Variants in DIP2A observed in about 807,000 individuals in gnomAD.
DIP2A encodes disco-interacting protein 2 homolog A.
A neutral mutation model predicts 177.4 loss-of-function variants in DIP2A; 85 were observed. The ratio of observed to expected loss-of-function variants is 0.48; its 90% confidence interval spans 0.40 to 0.57. DIP2A has a LOEUF of 0.57. DIP2A is among the 20% of genes least tolerant of loss of function. DIP2A has a pLI of 0.00. For synonymous variants in DIP2A, 886 were observed against 881.8 expected (o/e 1.00, Z -0.08); for missense variants, 1,791 against 2,100.2 (o/e 0.85, Z 2.88).
At chr21:46,583,672 A>T in the DIP2A span, among the ~76,000 whole-genome samples, 2 of 152,164 alleles carry the variant, frequency 1.3e-5, no homozygotes, top group Admixed American at 1.3e-4. Context: ...GGTTAATGCC[A>T]TTATCACAGA....
chr21:46,527,491 A>AT (rs2059151561), intron 8 of DIP2A, among the ~76,000 whole-genome samples: 1 of 151,640 alleles, frequency 6.6e-6, no homozygotes, highest in Admixed American at 6.6e-5. Context: ...CTCCCAGATA[A>AT]TTTTTTGTAT....
At position 46,534,576 on chromosome 21, in the gene DIP2A, A is replaced by G. The variant is rs779046738; in HGVS notation, c.1540-9A>G. The G allele has an allele frequency of 6.2e-7, 1 of 1,612,056 alleles. No homozygotes were observed. ...ACCACATCATGTTTTTTTCCTTGAA[A>G]TCTTTCAGTATAAAACCAGCAAAGA... On this transcript the variant is annotated splice_polypyrimidine_tract_variant and intron_variant, in intron 12 of 37. Transcript: ENST00000417564.
At position 46,556,294 on chromosome 21, in the gene DIP2A, T is replaced by C. The variant is rs923989522; in HGVS notation, c.3498+203T>C. 2 of 1,508,898 alleles carry C rather than the reference T, an allele frequency of 1.3e-6. No homozygotes were observed. Among genetic ancestry groups the C allele is most frequent in the Admixed American group, 2.0e-5 (1 of 50,068 alleles). 93.5% of individuals were successfully genotyped at this position (1,508,898 alleles called of 1,614,324 possible). A position where few individuals can be genotyped will look rare whatever the true frequency, so the allele number is the denominator to read the frequency against. ...GAGTAATGCGTTTTCTGATGCATTA[T>C]GGTTATGTCTAAACTTTCTGATTTA... On this transcript the variant is annotated intron_variant, in intron 29 of 37. Coordinates refer to ENST00000417564, the MANE Select transcript of DIP2A (RefSeq NM_015151.4). This position sits in a 1 kb window ranked among gnomAD's most constrained non-coding sequence, Gnocchi z 4.5.
At chr21:46,579,441 T>C in the DIP2A span, among the ~76,000 whole-genome samples, 546 of 152,266 alleles carry the variant, frequency 3.6e-3, 1 homozygote, top group African/African-American at 0.013. Flanking sequence ...GTTTTTCACG[T>C]CTCTGTTTCC....
intron 20 of DIP2A, chr21:46,546,234 TGAG>T: frequency 7.9e-7 from 1 of 1,273,810 alleles, no homozygotes; most frequent in East Asian, 3.1e-5. Flanking sequence ...GGCAGGTTTG[TGAG>T]TATTCATTAT....
At chr21:46,464,817 C>CTTTTTTTTTATTTTTTTTTTTTTTT in intron 1 of DIP2A, among the ~76,000 whole-genome samples, 1 of 73,442 alleles carries the variant, frequency 1.4e-5, no homozygotes, top group Non-Finnish European at 2.5e-5. Flanking sequence ...ATATTCATGT[C>CTTTTTTTTTATTTTTTTTTTTTTTT]TTTTTTTTTT....
chr21:46,547,656 CTTTTT>C (rs10672432), intron 21 of DIP2A, among the ~76,000 whole-genome samples: 14 of 76,392 alleles, frequency 1.8e-4, no homozygotes, highest in Non-Finnish European at 2.5e-4. Context: ...AAGGGGGTGC[CTTTTT>C]TTTTTTTTTT....
chr21:46,548,216 G>A (rs546943373), intron 21 of DIP2A, among the ~76,000 whole-genome samples: 1 of 151,770 alleles, frequency 6.6e-6, no homozygotes, highest in East Asian at 1.9e-4. Context: ...GTGTTTGTGT[G>A]CGCCTGCGTG....
At chr21:46,495,229 CTTCTCTTCTCTTCTT>C (rs1568967278) in intron 3 of DIP2A, among the ~76,000 whole-genome samples, 52 of 66,716 alleles carry the variant, frequency 7.8e-4, no homozygotes, top group African/African-American at 1.5e-3. Context: ...CTTCTCTTCT[CTTCTCTTCTCTTCTT>C]TCTCTCTCTC....
intron 8 of DIP2A, among the ~76,000 whole-genome samples, chr21:46,519,826 G>T (rs560999935): frequency 2.1e-5 from 3 of 141,392 alleles, no homozygotes; most frequent in Non-Finnish European, 4.5e-5. Flanking sequence ...GCTGATTCCA[G>T]TGTGCCCAGA....
At chr21:46,511,670 C>T in intron 8 of DIP2A, 56 bp downstream of exon 8, 1 of 1,427,364 alleles carries the variant, frequency 7.0e-7, no homozygotes. Context: ...ATGTCACACA[C>T]ATAACACAGC....
Position 46,567,273 on chromosome 21 carries a change from G to C in DIP2A, c.4464-97G>C, listed in dbSNP as rs11909369. On this transcript the variant is annotated intron_variant, in intron 37 of 37. Coordinates refer to ENST00000417564, the MANE Select transcript of DIP2A (RefSeq NM_015151.4). The stretch of plus-strand genomic sequence containing the variant: ...CTTAAATAGCTGTGTGACATTGGTG[G>C]GCTTCACTCTTCTTTGTGCCACCCT... The C allele has an allele frequency of 9.0e-3, 13,580 of 1,504,564 alleles. 956 individuals carry two copies. In the African/African-American group the frequency reaches 0.16, roughly 18 times the overall value. 93.2% of individuals were successfully genotyped at this position (1,504,564 alleles called of 1,614,324 possible).
chr21:46,461,771 G>A (rs889110466), intron 1 of DIP2A, among the ~76,000 whole-genome samples: 19 of 152,198 alleles, frequency 1.2e-4, no homozygotes, highest in Admixed American at 2.0e-4. Flanking sequence ...AACAAAAAAA[G>A]TATTGAGCCC....
At chr21:46,466,438 T>G (rs959650328) in intron 1 of DIP2A, among the ~76,000 whole-genome samples, 2 of 143,862 alleles carry the variant, frequency 1.4e-5, no homozygotes, top group Admixed American at 7.3e-5. Flanking sequence ...AACCTCTGCC[T>G]CCCAGGTTGA....
At chr21:46,467,742 T>C (rs568669263) in intron 1 of DIP2A, among the ~76,000 whole-genome samples, 1 of 150,070 alleles carries the variant, frequency 6.7e-6, no homozygotes, top group East Asian at 1.9e-4. Context: ...TTAGGTTTTG[T>C]TTGTTTTTTT....
chr21:46,536,903 CA>C (rs10714360), intron 13 of DIP2A, among the ~76,000 whole-genome samples: 40,748 of 129,342 alleles, frequency 0.32, 5,758 homozygotes, highest in East Asian at 0.44. Flanking sequence ...GACTCTGTCT[CA>C]AAAAAAAAAA....
intron 8 of DIP2A, among the ~76,000 whole-genome samples, chr21:46,521,290 G>A (rs1318890882): frequency 6.6e-6 from 1 of 152,130 alleles, no homozygotes; most frequent in Non-Finnish European, 1.5e-5. Flanking sequence ...CTGGGTTCAA[G>A]CAATTCTTCT....
chr21:46,549,385 A>G (rs2060183860), intron 21 of DIP2A, among the ~76,000 whole-genome samples: 1 of 152,260 alleles, frequency 6.6e-6, no homozygotes, highest in South Asian at 2.1e-4. Flanking sequence ...ACTAATCACT[A>G]TAAATGTCAA....
intron 17 of DIP2A, among the ~76,000 whole-genome samples, chr21:46,541,280 G>A (rs552912208): frequency 6.6e-6 from 1 of 152,272 alleles, no homozygotes; most frequent in South Asian, 2.1e-4. Context: ...CTGCCAGGTG[G>A]TTCTGGCTTG....
Sources: allele counts gnomAD v4.1 joint callset (sites outside exome capture counted in the v4.1 genomes callset), GRCh38; gene constraint gnomAD v4.1.1; non-coding constraint Gnocchi (gnomAD v3.1); transcripts MANE v1.5; gene names NCBI Gene and HGNC (gene_info 2026-07-23, HGNC 2026-07-21).